The following TSEN34 variants were observed in gnomAD, a reference collection of about 807,000 sequenced individuals.
TSEN34 encodes the protein tRNA splicing endonuclease subunit 34, also known as tRNA-splicing endonuclease subunit Sen34.
In TSEN34, 25 loss-of-function variants were observed where a neutral mutation model predicts 30.2. The ratio of observed to expected loss-of-function variants is 0.83; its 90% CI spans 0.60 to 1.16. The LOEUF (loss-of-function observed/expected upper bound fraction) is 1.16. Ranked by LOEUF, TSEN34 falls within the 50% of genes most tolerant of loss-of-function variation. The pLI is 0.00. For missense variants in TSEN34, 475 were observed against 411.9 expected (o/e 1.15, Z -1.33); for synonymous variants, 209 against 177.4 (o/e 1.18, Z -1.41).
rs1200311350 is a variant in TSEN34 at position 54,193,918 on chromosome 19, G to T, written c.*556G>T. On this transcript the variant is annotated 3_prime_UTR_variant, in exon 4 of 4. Transcript: ENST00000396388. ...TACAAACGTTATAAATAAAAATATA[G>T]GCTGGGCACGATGACCCACACCTGT... 2 of 539,310 alleles carry T rather than the reference G, an allele frequency of 3.7e-6. No individual in the cohort carries two copies. Among genetic ancestry groups the T allele is most frequent in the Non-Finnish European group, 6.5e-6 (2 of 305,426 alleles). The allele number at this position is 539,310 out of a possible 1,614,324, so 33.4% of individuals were successfully genotyped here.
chr19:54,191,105 G>A, upstream of TSEN34: 2 of 1,336,582 alleles, frequency 1.5e-6, no homozygotes, highest in Non-Finnish European at 9.5e-7. Context: ...GCGGGACCCT[G>A]GGGGCTTGGC....
rs561260053 is a variant in TSEN34 at position 54,191,803 on chromosome 19, G to C, written c.326G>C (p.Arg109Pro). ...ALAAEARETR[R>P]QELLEKITEG... ...GCAGCTGAGGCCCGGGAGACCCGTC[G>C]TCAGGAGCTCCTGGAGAAGATTACG... The change falls in exon 2 of 4, where the codon CGT becomes CCT. Residue 109 changes from arginine to proline, a missense_variant. Transcript: ENST00000396388. The C allele has an allele frequency of 1.2e-6, 2 of 1,614,202 alleles. No homozygotes were observed. Among genetic ancestry groups the C allele is most frequent in the East Asian group, 4.5e-5 (2 of 44,876 alleles).
rs536260999 is a variant in TSEN34 at position 54,191,704 on chromosome 19, C to T, written c.244-17C>T. ...GGGACCATAAGCTTGGAGGTTCCAG[C>T]GAAGTGTGCTTCTCAGGCCCTGACA... On this transcript the variant is annotated splice_polypyrimidine_tract_variant and intron_variant, in intron 1 of 3. Coordinates refer to ENST00000396388, the MANE Select transcript of TSEN34 (RefSeq NM_001077446.4). 17 of 1,613,738 alleles carry T rather than the reference C, an allele frequency of 1.1e-5. No homozygotes were observed. In the Admixed American group the frequency reaches 2.5e-4, roughly 24 times the overall value.
rs778367406 is a variant in TSEN34 at position 54,193,287 on chromosome 19, G to C, written c.858G>C (p.Lys286Asn). The C allele has an allele frequency of 1.2e-6, 2 of 1,614,178 alleles. No individual in the cohort carries two copies. Among genetic ancestry groups the C allele is most frequent in the Non-Finnish European group, 1.7e-6 (2 of 1,180,048 alleles). ...GGCGCCTTGGAACCAGCGTCAGAAA[G>C]ACCCTGCTCCTCTGTTCTCCGCAGC... ...AAGRLGTSVR[K>N]TLLLCSPQPD... Residue 286 changes from lysine to asparagine, a missense_variant, in exon 4 of 4, where the codon AAG becomes AAC. Lys to Asn is a moderately conservative substitution (Grantham distance 94). Transcript: ENST00000396388.
upstream of TSEN34, chr19:54,191,215 C>A: frequency 7.1e-7 from 1 of 1,412,608 alleles, no homozygotes. Context: ...TCGGGCCCAG[C>A]AGGTGGTGAA....
chr19:54,192,223 C>T lies in TSEN34; in HGVS notation c.595C>T (p.Pro199Ser), dbSNP rs770148273. The T allele has an allele frequency of 6.2e-7, 1 of 1,614,126 alleles. No individual in the cohort carries two copies. The highest frequency in any genetic ancestry group is 1.7e-5 in the Admixed American group (1 of 60,016). Residue 199 changes from proline to serine, a missense_variant, in exon 3 of 4, where the codon CCC becomes TCC. Physicochemically the swap from Pro to Ser is moderately conservative, Grantham distance 74. Transcript: ENST00000396388. ...TARPRPVKAR[P>S]LDWRVQSKDW... ...CAGGCCTCGACCGGTCAAGGCCAGGCCCCTGGACTGGCGTGTCCAGTCTAA... is the reference window on the plus strand; with the variant it reads ...CAGGCCTCGACCGGTCAAGGCCAGGTCCCTGGACTGGCGTGTCCAGTCTAA...
Position 54,192,370 on chromosome 19 carries a change from C to G in TSEN34, c.742C>G (p.Pro248Ala). Reference protein sequence around the residue: ...GKFGGDFLVYPGDPLRFHAHY... With the variant: ...GKFGGDFLVYAGDPLRFHAHY... Reference sequence around the variant, plus strand: ...GTTCGGAGGTGACTTCCTGGTCTATCCTGGTGAGTATGGGTTGGGGCCTCT... The same window carrying G: ...GTTCGGAGGTGACTTCCTGGTCTATGCTGGTGAGTATGGGTTGGGGCCTCT... The change falls in exon 3 of 4, where the codon CCT (proline) becomes GCT (alanine). Residue 248 changes from proline (P) to alanine (A), a missense_variant. Transcript: ENST00000396388. 6.2e-7 allele frequency: 1 copy of G among 1,614,130 alleles called. No individual in the cohort carries two copies. Among genetic ancestry groups the G allele is most frequent in the Non-Finnish European group, 8.5e-7 (1 of 1,180,036 alleles).
rs770591262 is a variant in TSEN34, at chr19:54,191,842, C to T, written c.365C>T (p.Ala122Val). The T allele has an allele frequency of 2.5e-6, 4 of 1,614,022 alleles. No homozygotes were observed. In the African/African-American group the frequency reaches 5.3e-5, roughly 22 times the overall value. ...GAGAAGATTACGGAGGGCCAGGCTGCTAAGAAGCAGAAACTAGAACAGGCT... is the reference window on the plus strand; with the variant it reads ...GAGAAGATTACGGAGGGCCAGGCTGTTAAGAAGCAGAAACTAGAACAGGCT... ...LLEKITEGQA[A>V]KKQKLEQASG... The change falls in exon 2 of 4, where the codon GCT becomes GTT. Residue 122 changes from alanine (A) to valine (V), a missense_variant. Transcript: ENST00000396388.
upstream of TSEN34, chr19:54,190,214 C>T: frequency 1.5e-6 from 1 of 686,660 alleles, no homozygotes; most frequent in South Asian, 1.7e-5. Context: ...GAGGGCGGGG[C>T]TTCGGTCCTG....
rs1038589476 is a variant in TSEN34 at position 54,194,440 on chromosome 19, A to G, written c.*1078A>G. 6.6e-6 allele frequency: 1 copy of G among 152,200 alleles called. No individual in the cohort carries two copies. The allele number at this position is 152,200 out of a possible 1,614,324, so 9.4% of individuals were successfully genotyped here. A position where few individuals can be genotyped will look rare whatever the true frequency, so the allele number is the denominator to read the frequency against. On this transcript the variant is annotated 3_prime_UTR_variant, in exon 4 of 4. Transcript: ENST00000396388. ...GCTAAAACACATGTATTTGTAAAAA[A>G]TTTGCACTTATGAAATCATTTACCC... is the stretch of plus-strand genomic sequence containing the variant.
At position 54,194,208 on chromosome 19, in the gene TSEN34, T is replaced by C. The variant is rs1600715826; in HGVS notation, c.*846T>C. 6.5e-6 allele frequency: 1 copy of C among 153,988 alleles called. No homozygotes were observed. The highest frequency in any genetic ancestry group is 6.4e-5 in the Admixed American group (1 of 15,564). 9.5% of individuals were successfully genotyped at this position (153,988 alleles called of 1,614,324 possible). The stretch of plus-strand genomic sequence containing the variant: ...ATATATGTAAATATACACACATGTA[T>C]GTATATATATGTGTGTGTATATATA... On this transcript the variant is annotated 3_prime_UTR_variant, in exon 4 of 4. Transcript: ENST00000396388.
chr19:54,192,441 CTTTT>C (rs11420984), intron 3 of TSEN34, 68 bp downstream of exon 3: 413 of 1,394,370 alleles, frequency 3.0e-4, no homozygotes, highest in Admixed American at 4.8e-4. Flanking sequence ...CTGCGTTTTT[CTTTT>C]TTTTTTTTTT....
chr19:54,193,454 T>C lies in TSEN34; in HGVS notation c.*92T>C, dbSNP rs1187516620. 2.5e-6 allele frequency: 4 copies of C among 1,584,876 alleles called. No individual in the cohort carries two copies. The highest frequency in any genetic ancestry group is 1.4e-5 in the African/African-American group (1 of 73,900). ...TCTCTGGGAGTCTAGAACATCCTCC[T>C]ACCTTTCTCCGCGGTTAGTTTTTGA... On this transcript the variant is annotated 3_prime_UTR_variant, in exon 4 of 4. Coordinates refer to ENST00000396388, the MANE Select transcript of TSEN34 (RefSeq NM_001077446.4).
In TSEN34 at chr19:54,191,461, G is replaced by T. The variant is rs1266656484; in HGVS notation, c.97G>T (p.Val33Leu). The change falls in exon 1 of 4, where the codon GTA (valine) becomes TTA (leucine). Residue 33 changes from valine to leucine, a missense_variant. By Grantham distance (32) the Val-to-Leu change is conservative (BLOSUM62 1). Coordinates refer to ENST00000396388, the MANE Select transcript of TSEN34 (RefSeq NM_001077446.4). Reference protein sequence around the residue: ...RERLGVGGRTVGALPRGPRQN... With the variant: ...RERLGVGGRTLGALPRGPRQN... ...GCGCCTGGGTGTGGGGGGCCGCACGGTAGGCGCCCTGCCCCGCGGGCCCCG... is the reference window on the plus strand; with the variant it reads ...GCGCCTGGGTGTGGGGGGCCGCACGTTAGGCGCCCTGCCCCGCGGGCCCCG... The T allele has an allele frequency of 1.3e-6, 2 of 1,548,562 alleles. No homozygotes were observed. The highest frequency in any genetic ancestry group is 1.7e-6 in the Non-Finnish European group (2 of 1,148,068).
In TSEN34 at chr19:54,194,330, T is replaced by C. The variant is rs1405695213; in HGVS notation, c.*968T>C. 1 of 105,610 alleles carries C rather than the reference T, an allele frequency of 9.5e-6. No homozygotes were observed. Among genetic ancestry groups the C allele is most frequent in the East Asian group, 3.3e-4 (1 of 2,988 alleles). The allele number at this position is 105,610 out of a possible 1,614,324, so 6.5% of individuals were successfully genotyped here. ...GAAGGCGTTCTGCTTTTTCATGGCC[T>C]GGGTAGTGGTGAATTTTTTTGATAC... On this transcript the variant is annotated 3_prime_UTR_variant, in exon 4 of 4. Coordinates refer to ENST00000396388, the MANE Select transcript of TSEN34 (RefSeq NM_001077446.4).
chr19:54,192,742 C>T (rs554748612), intron 3 of TSEN34, among the ~76,000 whole-genome samples: 2 of 152,292 alleles, frequency 1.3e-5, no homozygotes, highest in Admixed American at 6.5e-5. Flanking sequence ...CAATGGCTCA[C>T]GCCTGTAATC....
In TSEN34 at chr19:54,191,347, C is replaced by T. The variant is rs2076682698; in HGVS notation, c.-18C>T. 6.5e-6 allele frequency: 10 copies of T among 1,549,188 alleles called. 1 individual carries two copies. In the South Asian group the frequency reaches 7.1e-5, roughly 11 times the overall value. On this transcript the variant is annotated 5_prime_UTR_variant, in exon 1 of 4. Coordinates refer to ENST00000396388, the MANE Select transcript of TSEN34 (RefSeq NM_001077446.4). ...AGCTGTTTCGGTAACTGCTTTGCCTCCCGGCTCCCGCAGGAGGATGCTGGT... is the reference window on the plus strand; with the variant it reads ...AGCTGTTTCGGTAACTGCTTTGCCTTCCGGCTCCCGCAGGAGGATGCTGGT...
At position 54,191,729 on chromosome 19, in the gene TSEN34, A is replaced by G. The variant is rs1340469612; in HGVS notation, c.252A>G (p.Thr84=). The change falls in exon 2 of 4, where the codon ACA becomes ACG. Residue 84 remains threonine, a synonymous_variant. Coordinates refer to ENST00000396388, the MANE Select transcript of TSEN34 (RefSeq NM_001077446.4). ...CGAAGTGTGCTTCTCAGGCCCTGAC[A>G]TCCTTCAAGCGCCAGCAAGAGGAGA... ...PDSRHHSLAL[T]SFKRQQEESF... 1.2e-6 allele frequency: 2 copies of G among 1,614,038 alleles called. No individual in the cohort carries two copies. The highest frequency in any genetic ancestry group is 1.7e-6 in the Non-Finnish European group (2 of 1,180,034).
upstream of TSEN34, chr19:54,190,707 G>A: frequency 1.6e-6 from 2 of 1,239,794 alleles, no homozygotes; most frequent in East Asian, 3.4e-5. Context: ...CGAGAAGGGG[G>A]CGGGGCTGCG....
Sources: allele counts gnomAD v4.1 joint callset (sites outside exome capture counted in the v4.1 genomes callset), GRCh38; gene constraint gnomAD v4.1.1; transcripts MANE v1.5; gene names NCBI Gene and HGNC (gene_info 2026-07-23, HGNC 2026-07-21).